Variants in ADGRL3 observed in about 807,000 individuals in gnomAD.
ADGRL3 encodes the protein adhesion G protein-coupled receptor L3, also known as calcium-independent alpha-latrotoxin receptor 3.
Under a neutral mutation model 153.5 loss-of-function variants are expected in ADGRL3, and 62 were observed. That is an observed-to-expected ratio of 0.40 (90% confidence interval 0.33 to 0.50). ADGRL3 has a LOEUF of 0.50. ADGRL3 is among the 20% of genes least tolerant of loss of function. The pLI is 0.47. For synonymous variants in ADGRL3, 710 were observed against 672.5 expected (o/e 1.06, Z -0.86); for missense variants, 1,641 against 1,859.4 (o/e 0.88, Z 2.16).
intron 4 of ADGRL3, among the ~76,000 whole-genome samples, chr4:61,563,549 C>T (rs949118121): frequency 1.1e-4 from 17 of 152,192 alleles, no homozygotes; most frequent in African/African-American, 4.1e-4. Flanking sequence ...TAGATGGCAT[C>T]CTTTTCCCAA....
intron 21 of ADGRL3, among the ~76,000 whole-genome samples, chr4:62,008,336 A>G (rs1432842575): frequency 6.6e-6 from 1 of 151,552 alleles, no homozygotes; most frequent in Non-Finnish European, 1.5e-5. Flanking sequence ...AAGAGAGTAG[A>G]AATTGTATGG....
intron 1 of ADGRL3, among the ~76,000 whole-genome samples, chr4:61,370,913 C>T (rs1490588715): frequency 6.7e-6 from 1 of 150,334 alleles, no homozygotes; most frequent in East Asian, 2.0e-4. Flanking sequence ...TCTGGGTGCT[C>T]CTGTATTGGG....
intron 1 of ADGRL3, among the ~76,000 whole-genome samples, chr4:61,257,915 T>A (rs1231934173): frequency 6.6e-6 from 1 of 151,962 alleles, no homozygotes; most frequent in Non-Finnish European, 1.5e-5. Context: ...GGCACAGCAG[T>A]TTTGGGGAAA....
rs767807650 is a variant in ADGRL3, at chr4:61,909,691, G to T, written c.2019G>T (p.Gln673His). ...AGCTGGTAGGCCTCCTAGATGTACAGCTTCGGAACTTGACCCCAGGTGGAA... is the reference window on the plus strand; with the variant it reads ...AGCTGGTAGGCCTCCTAGATGTACATCTTCGGAACTTGACCCCAGGTGGAA... ...MDQLVGLLDV[Q>H]LRNLTPGGKD... Residue 673 changes from glutamine (Q) to histidine (H), a missense_variant, in exon 12 of 27, where the codon CAG (glutamine) becomes CAT (histidine). By Grantham distance (24) the Gln-to-His change is conservative. Coordinates refer to ENST00000683033, the MANE Select transcript of ADGRL3 (RefSeq NM_001387552.1). The T allele has an allele frequency of 4.4e-6, 7 of 1,595,156 alleles. No individual in the cohort carries two copies. Among genetic ancestry groups the T allele is most frequent in the Non-Finnish European group, 6.0e-6 (7 of 1,170,462 alleles).
intron 4 of ADGRL3, among the ~76,000 whole-genome samples, chr4:61,580,499 C>T (rs1325082829): frequency 1.3e-5 from 2 of 152,090 alleles, no homozygotes; most frequent in African/African-American, 4.8e-5. Flanking sequence ...TTTAAACATT[C>T]TTTCAGGCTT....
intron 2 of ADGRL3, among the ~76,000 whole-genome samples, chr4:61,463,676 T>C (rs1312679933): frequency 1.3e-5 from 2 of 152,144 alleles, no homozygotes; most frequent in African/African-American, 4.8e-5. Flanking sequence ...TTATCAGTGA[T>C]ACATTGAAAA....
At chr4:61,936,733 T>A (rs949712676) in intron 15 of ADGRL3, among the ~76,000 whole-genome samples, 1 of 150,264 alleles carries the variant, frequency 6.7e-6, no homozygotes, top group African/African-American at 2.4e-5. Context: ...TTACATCTCC[T>A]CTAAAGTAGA....
intron 5 of ADGRL3, among the ~76,000 whole-genome samples, chr4:61,675,721 T>C (rs576496371): frequency 6.6e-6 from 1 of 151,694 alleles, no homozygotes; most frequent in African/African-American, 2.4e-5. Context: ...CATGAGATAT[T>C]TTGAAAAAGG....
At chr4:61,246,490 C>G (rs79818417) in intron 1 of ADGRL3, among the ~76,000 whole-genome samples, 9,748 of 151,862 alleles carry the variant, frequency 0.064, 321 homozygotes, top group Non-Finnish European at 0.091. Flanking sequence ...TTTTTGTATA[C>G]CCAAATTTGT....
intron 1 of ADGRL3, among the ~76,000 whole-genome samples, chr4:61,372,714 C>T (rs2096550722): frequency 6.6e-6 from 1 of 152,154 alleles, no homozygotes; most frequent in Non-Finnish European, 1.5e-5. Context: ...GAGGTGGAGC[C>T]TACAGAGGCA....
intron 5 of ADGRL3, among the ~76,000 whole-genome samples, chr4:61,646,765 C>A (rs1209294561): frequency 6.6e-6 from 1 of 152,154 alleles, no homozygotes; most frequent in South Asian, 2.1e-4. Flanking sequence ...GTGGAGCCTA[C>A]AGAGGCAGGC....
rs1578632880 is a variant in ADGRL3 at position 61,397,041 on chromosome 4, G to A, written c.-174+13852G>A. On this transcript the variant is annotated intron_variant, in intron 2 of 26. Transcript: ENST00000683033. Reference sequence around the variant, plus strand: ...TTTTATTAGTTTTCTAATATGATAAGTATATATTTATACTATAAAATAATA... The same window carrying A: ...TTTTATTAGTTTTCTAATATGATAAATATATATTTATACTATAAAATAATA... 2.6e-5 allele frequency among the ~76,000 whole-genome samples: 4 copies of A among 151,374 alleles called. No homozygotes were observed. The South Asian group carries it at 8.3e-4, about 31-fold the overall frequency.
At position 62,076,192 on chromosome 4, in the gene ADGRL3, C is replaced by G. The variant is rs965488410; in HGVS notation, c.*5284C>G. 6.6e-6 allele frequency: 1 copy of G among 152,116 alleles called. No individual in the cohort carries two copies. Among genetic ancestry groups the G allele is most frequent in the African/African-American group, 2.4e-5 (1 of 41,464 alleles). 9.4% of individuals were successfully genotyped at this position (152,116 alleles called of 1,614,324 possible). A position where few individuals can be genotyped will look rare whatever the true frequency, so the allele number is the denominator to read the frequency against. ...AAAAAAAATTTAAAAGTCAGCACTT[C>G]TTTCACATCTAGCACCTATAAGTTA... On this transcript the variant is annotated 3_prime_UTR_variant, in exon 27 of 27. Coordinates refer to ENST00000683033, the MANE Select transcript of ADGRL3 (RefSeq NM_001387552.1).
intron 2 of ADGRL3, among the ~76,000 whole-genome samples, chr4:61,415,232 G>A (rs1304956263): frequency 6.6e-6 from 1 of 151,782 alleles, no homozygotes; most frequent in Non-Finnish European, 1.5e-5. Flanking sequence ...TAAAACACTA[G>A]ATTTATTTAT....
At chr4:61,770,534 T>A (rs2097072184) in intron 8 of ADGRL3, among the ~76,000 whole-genome samples, 1 of 152,186 alleles carries the variant, frequency 6.6e-6, no homozygotes, top group Non-Finnish European at 1.5e-5. Context: ...TGCAGGACAA[T>A]TATATTTCCA....
chr4:61,342,007 T>C (rs2151151799), intron 1 of ADGRL3, among the ~76,000 whole-genome samples: 1 of 152,286 alleles, frequency 6.6e-6, no homozygotes, highest in East Asian at 1.9e-4. Flanking sequence ...TAAACACTTT[T>C]TTTGGATTAT....
chr4:61,562,307 G>A (rs2098798457), intron 4 of ADGRL3, among the ~76,000 whole-genome samples: 1 of 152,144 alleles, frequency 6.6e-6, no homozygotes, highest in Non-Finnish European at 1.5e-5. Flanking sequence ...CAGGGTGGTG[G>A]TGAAGGCTGG....
At chr4:61,592,528 T>C (rs1222596412) in intron 5 of ADGRL3, among the ~76,000 whole-genome samples, 1 of 152,162 alleles carries the variant, frequency 6.6e-6, no homozygotes, top group Non-Finnish European at 1.5e-5. Flanking sequence ...TGCATGTCTC[T>C]TTAAATATAA....
chr4:61,247,744 T>C (rs1167953655), intron 1 of ADGRL3, among the ~76,000 whole-genome samples: 2 of 152,004 alleles, frequency 1.3e-5, no homozygotes, highest in Non-Finnish European at 2.9e-5. Context: ...ATAATTTAGG[T>C]TTATGAGAAA....
Sources: gnomAD v4.1 joint callset for allele counts (sites outside exome capture counted in the v4.1 genomes callset) on GRCh38, gnomAD v4.1.1 for gene constraint, MANE v1.5 for transcripts, NCBI Gene and HGNC (gene_info 2026-07-23, HGNC 2026-07-21) for gene names.